DLGAP2: variants seen among roughly 807,000 people sequenced by gnomAD.
The protein encoded by DLGAP2 is disks large-associated protein 2.
In DLGAP2, 26 loss-of-function variants were observed where a neutral mutation model predicts 100.3. The ratio of observed to expected loss-of-function variants is 0.26; its 90% CI spans 0.19 to 0.36. The LOEUF is 0.36. Among genes scored for constraint, DLGAP2 ranks in the 10% least tolerant of loss-of-function variants. DLGAP2 has a pLI of 1.00. For synonymous variants in DLGAP2, 886 were observed against 630.1 expected, an observed-to-expected ratio of 1.41 and a Z score of -6.08; for missense variants, 1,858 against 1,453.2, an observed-to-expected ratio of 1.28 and a Z score of -4.53.
chr8:855,569 G>A (rs955007036), intron 1 of DLGAP2, among the ~76,000 whole-genome samples: 5 of 152,168 alleles, frequency 3.3e-5, no homozygotes. Flanking sequence ...GAGGGGGATA[G>A]GTCTGTAAAA....
At chr8:1,088,219 A>G (rs947587571) in intron 2 of DLGAP2, among the ~76,000 whole-genome samples, 5 of 152,144 alleles carry the variant, frequency 3.3e-5, no homozygotes, top group African/African-American at 1.2e-4. Context: ...GGTAGCCAAT[A>G]TTCATTGCTT....
intron 2 of DLGAP2, among the ~76,000 whole-genome samples, chr8:1,025,434 C>T (rs1158090619): frequency 2.6e-5 from 4 of 152,104 alleles, no homozygotes; most frequent in Non-Finnish European, 5.9e-5. Context: ...TCCAGAGAAG[C>T]CCATTTTCTG....
Position 1,627,084 on chromosome 8 carries a change from T to C in DLGAP2, c.1590+197T>C, listed in dbSNP as rs184454924. On this transcript the variant is annotated intron_variant, in intron 7 of 14. Transcript: ENST00000637795. ...GACTTACTGTTATATTTTTGACGTG[T>C]ATAACTCCATATCATTTTTGCGTTG... is the stretch of plus-strand genomic sequence containing the variant. Among the ~76,000 whole-genome samples, 474 of 152,378 alleles carry C rather than the reference T, an allele frequency of 3.1e-3. 6 individuals are homozygous for C. The highest frequency in any genetic ancestry group is 0.029 in the South Asian group (138 of 4,830).
intron 2 of DLGAP2, among the ~76,000 whole-genome samples, chr8:1,232,282 G>A (rs566105612): frequency 2.0e-5 from 3 of 152,344 alleles, no homozygotes; most frequent in Non-Finnish European, 2.9e-5. Flanking sequence ...GGGTTTTCCC[G>A]GCTTGGCTTT....
chr8:1,290,394 G>A lies in DLGAP2; in HGVS notation c.106+31511G>A, dbSNP rs532715138. ...ATAGTGACGGCAGGGTTTGAACATC[G>A]GGCTGTCTGACCAGCACACCTGCAC... is the stretch of plus-strand genomic sequence containing the variant. On this transcript the variant is annotated intron_variant, in intron 3 of 14. Coordinates refer to ENST00000637795, the MANE Select transcript of DLGAP2 (RefSeq NM_001346810.2). Among the ~76,000 whole-genome samples the A allele has an allele frequency of 1.2e-3, 176 of 152,112 alleles. 1 individual carries two copies. The highest frequency in any genetic ancestry group is 2.0e-3 in the Non-Finnish European group (134 of 68,026).
chr8:1,666,679 C>CAA (rs1242127349), intron 8 of DLGAP2, among the ~76,000 whole-genome samples: 3 of 122,504 alleles, frequency 2.4e-5, no homozygotes, highest in African/African-American at 3.0e-5. Context: ...GACTCCATCT[C>CAA]AAAAAAAAAA....
intron 2 of DLGAP2, among the ~76,000 whole-genome samples, chr8:916,687 AAAG>A (rs1165068156): frequency 6.6e-6 from 1 of 152,216 alleles, no homozygotes; most frequent in Non-Finnish European, 1.5e-5. Context: ...AATTTAAAAA[AAAG>A]AAACTCAATC....
chr8:1,319,128 C>T (rs1416200874), intron 3 of DLGAP2, among the ~76,000 whole-genome samples: 2 of 152,084 alleles, frequency 1.3e-5, no homozygotes, highest in East Asian at 1.9e-4. Context: ...GGGCCAAGCT[C>T]AGCTGGGATC....
At chr8:1,593,180 C>A (rs955881925) in intron 6 of DLGAP2, among the ~76,000 whole-genome samples, 2 of 152,092 alleles carry the variant, frequency 1.3e-5, no homozygotes, top group Non-Finnish European at 2.9e-5. Flanking sequence ...CTAGGCCTGG[C>A]GTGGTGGCTC....
chr8:988,079 C>T lies in DLGAP2; in HGVS notation c.73+80113C>T, dbSNP rs529514285. Among the ~76,000 whole-genome samples the T allele has an allele frequency of 3.3e-5, 5 of 152,282 alleles. No individual in the cohort carries two copies. The South Asian group carries it at 1.0e-3, about 32-fold the overall frequency. ...CTGTCTAAAGGGGCCTAGCATGGTTCTATTCTCATAGGCCCTGATGGGAGT... is the reference window on the plus strand; with the variant it reads ...CTGTCTAAAGGGGCCTAGCATGGTTTTATTCTCATAGGCCCTGATGGGAGT... On this transcript the variant is annotated intron_variant, in intron 2 of 14. Transcript: ENST00000637795.
chr8:1,433,138 A>T (rs897043408), intron 3 of DLGAP2, among the ~76,000 whole-genome samples: 1 of 152,144 alleles, frequency 6.6e-6, no homozygotes, highest in Non-Finnish European at 1.5e-5. Flanking sequence ...CAGGGGAGGA[A>T]GCCCCCGCCA....
At position 1,628,047 on chromosome 8, in the gene DLGAP2, A is replaced by G. The variant is rs369588513; in HGVS notation, c.1590+1160A>G. Among the ~76,000 whole-genome samples, 25 of 126,068 alleles carry G rather than the reference A, an allele frequency of 2.0e-4. No homozygotes were observed. The East Asian group carries it at 4.8e-3, about 24-fold the overall frequency. 82.7% of individuals were successfully genotyped at this position (126,068 alleles called of 152,430 possible). A position where few individuals can be genotyped will look rare whatever the true frequency, so the allele number is the denominator to read the frequency against. On this transcript the variant is annotated intron_variant, in intron 7 of 14. Transcript: ENST00000637795. ...CTGACTTACTGTGGAGCAGGGATTA[A>G]GAGCTTGAGCCAACCTCACATTCTC... is the stretch of plus-strand genomic sequence containing the variant.
At chr8:1,379,159 T>C (rs538599580) in intron 3 of DLGAP2, among the ~76,000 whole-genome samples, 54 of 152,400 alleles carry the variant, frequency 3.5e-4, no homozygotes, top group Non-Finnish European at 5.9e-4. Context: ...CTGCCTAGAC[T>C]GTGGCACGTC....
At chr8:1,571,829 A>AG (rs1802704509) in intron 6 of DLGAP2, among the ~76,000 whole-genome samples, 1 of 91,678 alleles carries the variant, frequency 1.1e-5, no homozygotes, top group East Asian at 3.7e-4. Context: ...GAGAGGAGAG[A>AG]GGGTAAACTG....
At chr8:1,674,497 G>A (rs964189817) in intron 10 of DLGAP2, among the ~76,000 whole-genome samples, 4 of 152,170 alleles carry the variant, frequency 2.6e-5, no homozygotes, top group Non-Finnish European at 5.9e-5. Flanking sequence ...AGAATTTAAG[G>A]TCCTTTGTTT....
intron 1 of DLGAP2, among the ~76,000 whole-genome samples, chr8:813,914 G>A (rs1258400180): frequency 1.3e-5 from 2 of 152,176 alleles, no homozygotes; most frequent in Admixed American, 6.5e-5. Context: ...TGCACTCAGC[G>A]TGTAGTGATG....
At chr8:1,318,075 T>A (rs1371016088) in intron 3 of DLGAP2, among the ~76,000 whole-genome samples, 12 of 52,930 alleles carry the variant, frequency 2.3e-4, no homozygotes, top group Non-Finnish European at 2.2e-4. Flanking sequence ...CGTCAGTGTT[T>A]AAAAATAGAG....
intron 2 of DLGAP2, among the ~76,000 whole-genome samples, chr8:1,061,903 T>G (rs1803095674): frequency 6.6e-6 from 1 of 151,944 alleles, no homozygotes; most frequent in Non-Finnish European, 1.5e-5. Context: ...CACTCACTCT[T>G]ATAAAGACCC....
At chr8:1,296,669 A>C (rs1373457185) in intron 3 of DLGAP2, among the ~76,000 whole-genome samples, 1 of 152,252 alleles carries the variant, frequency 6.6e-6, no homozygotes, top group African/African-American at 2.4e-5. Context: ...TCCTGGGAAC[A>C]GAGAACACAG....
Sources: allele counts gnomAD v4.1 joint callset (sites outside exome capture counted in the v4.1 genomes callset), GRCh38; gene constraint gnomAD v4.1.1; transcripts MANE v1.5; gene names NCBI Gene and HGNC (gene_info 2026-07-23, HGNC 2026-07-21).